CDH13: variants seen among roughly 807,000 people sequenced by gnomAD.
The protein encoded by CDH13 is cadherin-13.
CDH13 carries 24 observed loss-of-function variants against 63.8 expected under a neutral mutation model. The ratio of observed to expected loss-of-function variants is 0.38; its 90% confidence interval spans 0.27 to 0.53. CDH13 has a LOEUF of 0.53. CDH13 is among the 20% of genes least tolerant of loss of function. CDH13 has a pLI of 0.85. For synonymous variants in CDH13, 503 were observed against 355.3 expected (o/e 1.42, Z -4.67); for missense variants, 1,049 against 903.1 (o/e 1.16, Z -2.07).
At chr16:83,704,872 G>C (rs1179163743) in intron 10 of CDH13, among the ~76,000 whole-genome samples, 1 of 152,212 alleles carries the variant, frequency 6.6e-6, no homozygotes, top group African/African-American at 2.4e-5. Context: ...TTGTTATGCA[G>C]CATCAAAGCT....
chr16:83,600,016 C>T lies in CDH13; in HGVS notation c.961-2438C>T, dbSNP rs573118823. Among the ~76,000 whole-genome samples, 16 of 152,256 alleles carry T rather than the reference C, an allele frequency of 1.1e-4. No individual in the cohort carries two copies. In the South Asian group the frequency reaches 3.3e-3, roughly 32 times the overall value. On this transcript the variant is annotated intron_variant, in intron 7 of 13. Transcript: ENST00000567109. ...CTCGTCAGTGATGACAAGCAGAAAG[C>T]CACTTCCATTAGGCTCAAGTTTTCC... is the stretch of plus-strand genomic sequence containing the variant.
At chr16:82,778,395 G>C (rs1465236148) in intron 1 of CDH13, among the ~76,000 whole-genome samples, 2 of 151,958 alleles carry the variant, frequency 1.3e-5, no homozygotes, top group Non-Finnish European at 2.9e-5. Flanking sequence ...TTATTACAGA[G>C]TTTTGGATGG....
chr16:82,889,857 T>A lies in CDH13; in HGVS notation c.157+31384T>A, dbSNP rs561138649. Among the ~76,000 whole-genome samples, 11 of 152,356 alleles carry A rather than the reference T, an allele frequency of 7.2e-5. No homozygotes were observed. The South Asian group carries it at 2.3e-3, about 32-fold the overall frequency. On this transcript the variant is annotated intron_variant, in intron 2 of 13. Transcript: ENST00000567109. ...AAAGGGCATGGTTGATTTAGGATTT[T>A]CGAGTGGGAAGACTATTAAAAGAGA...
At chr16:83,523,606 T>C (rs948130484) in intron 7 of CDH13, among the ~76,000 whole-genome samples, 2 of 152,174 alleles carry the variant, frequency 1.3e-5, no homozygotes, top group Admixed American at 1.3e-4. Flanking sequence ...CTGAGTTGGA[T>C]CTACTCCAGG....
intron 1 of CDH13, among the ~76,000 whole-genome samples, chr16:82,713,043 CGTGTGTGTGTGTGGTGTGT>C (rs2032075893): frequency 1.1e-5 from 1 of 90,494 alleles, no homozygotes; most frequent in Admixed American, 1.5e-4. Flanking sequence ...AGAACCCCGG[CGTGTGTGTGTGTGGTGTGT>C]GTGTGTGTGT....
chr16:82,880,021 C>A (rs1026565650), intron 2 of CDH13, among the ~76,000 whole-genome samples: 1 of 146,774 alleles, frequency 6.8e-6, no homozygotes, highest in African/African-American at 2.5e-5. Context: ...ATTAATAGAT[C>A]ATATATAATC....
At chr16:82,810,957 C>T (rs2037410880) in intron 1 of CDH13, among the ~76,000 whole-genome samples, 1 of 152,128 alleles carries the variant, frequency 6.6e-6, no homozygotes, top group South Asian at 2.1e-4. Flanking sequence ...TTAGCTGCTT[C>T]GTGTGCCCTG....
chr16:83,117,347 C>G (rs1014531376), intron 3 of CDH13, among the ~76,000 whole-genome samples: 1 of 152,174 alleles, frequency 6.6e-6, no homozygotes, highest in Admixed American at 6.5e-5. Flanking sequence ...GCTTCTGCTG[C>G]TGGCAGTGCC....
At chr16:82,883,659 A>G (rs1442004032) in intron 2 of CDH13, among the ~76,000 whole-genome samples, 2 of 152,182 alleles carry the variant, frequency 1.3e-5, no homozygotes, top group Admixed American at 1.3e-4. Context: ...AGGGAGTCAT[A>G]AATTTGCATC....
At chr16:82,640,465 C>G (rs1164900266) in intron 1 of CDH13, among the ~76,000 whole-genome samples, 1 of 152,030 alleles carries the variant, frequency 6.6e-6, no homozygotes, top group Non-Finnish European at 1.5e-5. Flanking sequence ...TAGTAAATAG[C>G]TGGTTTCTCT....
chr16:82,670,537 C>T (rs927766724), intron 1 of CDH13, among the ~76,000 whole-genome samples: 1 of 152,048 alleles, frequency 6.6e-6, no homozygotes, highest in African/African-American at 2.4e-5. Context: ...GTTTGCTTTA[C>T]CTGAAGGCAG....
chr16:83,240,979 A>G (rs887578941), intron 5 of CDH13, among the ~76,000 whole-genome samples: 2 of 151,994 alleles, frequency 1.3e-5, no homozygotes, highest in Non-Finnish European at 2.9e-5. Flanking sequence ...ATTAAACACT[A>G]ATTCTCTTCC....
chr16:83,259,759 C>G (rs868155480), intron 5 of CDH13, among the ~76,000 whole-genome samples: 1 of 152,146 alleles, frequency 6.6e-6, no homozygotes, highest in Non-Finnish European at 1.5e-5. Context: ...TTGCTTAAAA[C>G]TGAATGCTGA....
intron 1 of CDH13, among the ~76,000 whole-genome samples, chr16:82,734,296 C>T (rs188578820): frequency 6.6e-6 from 1 of 152,082 alleles, no homozygotes; most frequent in Non-Finnish European, 1.5e-5. Context: ...CCCAGAAAAA[C>T]TTAAATGTTT....
intron 6 of CDH13, among the ~76,000 whole-genome samples, chr16:83,387,214 G>A (rs1440984632): frequency 1.3e-5 from 2 of 152,100 alleles, no homozygotes; most frequent in African/African-American, 4.8e-5. Flanking sequence ...CCATTCTTAT[G>A]CTCACTTGAG....
chr16:83,654,550 T>A (rs1372150533), intron 8 of CDH13, among the ~76,000 whole-genome samples: 1 of 152,102 alleles, frequency 6.6e-6, no homozygotes, highest in East Asian at 1.9e-4. Flanking sequence ...CGAAGAATCC[T>A]GCAGATTGTT....
At chr16:83,280,029 G>A (rs78114523) in intron 5 of CDH13, among the ~76,000 whole-genome samples, 1 of 152,172 alleles carries the variant, frequency 6.6e-6, no homozygotes, top group Non-Finnish European at 1.5e-5. Flanking sequence ...AATGTTGATG[G>A]CTGCAGATTG....
At chr16:83,785,904 A>G (rs1915848329) in intron 13 of CDH13, among the ~76,000 whole-genome samples, 1 of 152,192 alleles carries the variant, frequency 6.6e-6, no homozygotes, top group African/African-American at 2.4e-5. Context: ...GCTCCTGGAC[A>G]TTCTAACAGT....
chr16:83,707,846 A>G (rs1406117298), intron 10 of CDH13, among the ~76,000 whole-genome samples: 1 of 150,490 alleles, frequency 6.6e-6, no homozygotes, highest in Non-Finnish European at 1.5e-5. Context: ...CAAAAAAAAA[A>G]AAAAAAAAAA....
Sources: gnomAD v4.1 joint callset for allele counts (sites outside exome capture counted in the v4.1 genomes callset) on GRCh38, gnomAD v4.1.1 for gene constraint, MANE v1.5 for transcripts, NCBI Gene and HGNC (gene_info 2026-07-23, HGNC 2026-07-21) for gene names.